Variants in PROSER2 observed in about 807,000 individuals in gnomAD.
The protein encoded by PROSER2 is proline and serine-rich protein 2.
Under a neutral mutation model 14.6 loss-of-function variants are expected in PROSER2, and 18 were observed. The observed-to-expected ratio is 1.23, with a 90% CI of 0.85 to 1.83. The LOEUF (loss-of-function observed/expected upper bound fraction) is 1.83, where lower values mean the gene tolerates loss of function less well. Among genes scored for constraint, PROSER2 ranks in the 40% most tolerant of loss-of-function variants. PROSER2 has a pLI of 0.00. For missense variants in PROSER2, 823 were observed against 629.8 expected (o/e 1.31, Z -3.28); for synonymous variants, 367 against 286.4 (o/e 1.28, Z -2.84).
Position 11,835,127 on chromosome 10 carries a change from A to C in PROSER2, c.-82+11657A>C, listed in dbSNP as rs1417225612. 6.6e-5 allele frequency among the ~76,000 whole-genome samples: 10 copies of C among 151,942 alleles called. No individual in the cohort carries two copies. The East Asian group carries it at 1.9e-3, about 29-fold the overall frequency. ...GTCTTAAAAAAAAAAAAAAAAAAGA[A>C]AAAGAAAAAGAAGTGTTAGTTATTG... is the stretch of plus-strand genomic sequence containing the variant. On this transcript the variant is annotated intron_variant, in intron 1 of 3. Transcript: ENST00000277570.
At chr10:11,834,203 C>T (rs762196004) in intron 1 of PROSER2, among the ~76,000 whole-genome samples, 34 of 150,884 alleles carry the variant, frequency 2.3e-4, no homozygotes, top group Non-Finnish European at 3.2e-4. Flanking sequence ...CCATGTTAGC[C>T]AGAATGATCT....
intron 1 of PROSER2, among the ~76,000 whole-genome samples, chr10:11,826,192 G>A (rs1219084140): frequency 2.6e-5 from 4 of 152,048 alleles, no homozygotes; most frequent in Non-Finnish European, 4.4e-5. Context: ...TCCGTGTCGC[G>A]GCGTGTATCG....
In PROSER2 at chr10:11,836,106, A is replaced by G. The variant is rs1464549951; in HGVS notation, c.-82+12636A>G. On this transcript the variant is annotated intron_variant, in intron 1 of 3. Transcript: ENST00000277570. The surrounding 1 kb of genome is among the most constrained non-coding windows in gnomAD (Gnocchi z 4.6). The stretch of plus-strand genomic sequence containing the variant: ...CAGTGCAGTGGCACGATCTTGGCTC[A>G]CTGCAACCTCGGCCTTCTGGGTTCA... 1.3e-5 allele frequency among the ~76,000 whole-genome samples: 2 copies of G among 152,150 alleles called. No homozygotes were observed. The highest frequency in any genetic ancestry group is 2.9e-5 in the Non-Finnish European group (2 of 68,018).
intron 1 of PROSER2, among the ~76,000 whole-genome samples, chr10:11,843,625 G>T (rs61846311): frequency 0.07 from 10,565 of 151,530 alleles, 420 homozygotes; most frequent in East Asian, 0.097. Context: ...GGCAGAGGTT[G>T]CAGTGAGCCG....
chr10:11,847,987 G>C lies in PROSER2; in HGVS notation c.-81-4010G>C, dbSNP rs557158724. Among the ~76,000 whole-genome samples, 19 of 152,314 alleles carry C rather than the reference G, an allele frequency of 1.2e-4. No homozygotes were observed. In the South Asian group the frequency reaches 2.9e-3, roughly 23 times the overall value. The stretch of plus-strand genomic sequence containing the variant: ...ATGTGCAGCATTCCAAAGATAAGGA[G>C]ATCATTTGGTAAGAGTGCGTGTCCC... On this transcript the variant is annotated intron_variant, in intron 1 of 3. Coordinates refer to ENST00000277570, the MANE Select transcript of PROSER2 (RefSeq NM_153256.4).
intron 2 of PROSER2, among the ~76,000 whole-genome samples, chr10:11,863,305 T>TA (rs1834279556): frequency 6.6e-6 from 1 of 152,150 alleles, no homozygotes; most frequent in Admixed American, 6.5e-5. Context: ...GGCATTTGAA[T>TA]ACCTCTCAGA....
intron 1 of PROSER2, among the ~76,000 whole-genome samples, chr10:11,828,450 C>T (rs2093917): frequency 0.26 from 39,341 of 152,020 alleles, 6,028 homozygotes; most frequent in East Asian, 0.38. Context: ...ACCTGTAATC[C>T]CAGCACTATG....
chr10:11,870,110 G>A lies in PROSER2; in HGVS notation c.1012G>A (p.Gly338Ser). 1.5e-6 allele frequency: 2 copies of A among 1,328,736 alleles called. No homozygotes were observed. Among genetic ancestry groups the A allele is most frequent in the Non-Finnish European group, 1.9e-6 (2 of 1,042,442 alleles). 82.3% of individuals were successfully genotyped at this position (1,328,736 alleles called of 1,614,324 possible). ...CCGGGCAGGGGGTCAGGCTCCGCGG[G>A]GCCCGGCGCTGGCCAACGGCTTCCC... ...SLRAGGQAPR[G>S]PALANGFPSA... Residue 338 changes from glycine to serine, a missense_variant, in exon 4 of 4, where the codon GGC becomes AGC. Transcript: ENST00000277570.
At chr10:11,824,297 G>T (rs963066404) in intron 1 of PROSER2, among the ~76,000 whole-genome samples, 1 of 152,160 alleles carries the variant, frequency 6.6e-6, no homozygotes, top group Non-Finnish European at 1.5e-5. Context: ...GTAGGAAGAA[G>T]GTTCTTTCTG....
chr10:11,827,919 C>A (rs974819552), intron 1 of PROSER2, among the ~76,000 whole-genome samples: 1 of 152,028 alleles, frequency 6.6e-6, no homozygotes, highest in East Asian at 1.9e-4. Context: ...TTCAAGCAGT[C>A]CCCCCACCTT....
chr10:11,852,922 A>T (rs185642251), intron 2 of PROSER2, among the ~76,000 whole-genome samples: 13 of 150,868 alleles, frequency 8.6e-5, no homozygotes, highest in Admixed American at 6.0e-4. Flanking sequence ...TCCTTCTCAG[A>T]ATCCAGACCT....
chr10:11,855,439 A>C (rs1834106552), intron 2 of PROSER2, among the ~76,000 whole-genome samples: 1 of 147,892 alleles, frequency 6.8e-6, no homozygotes, highest in Admixed American at 6.9e-5. Context: ...GCGCCACTGC[A>C]CTCCATCCTG....
Position 11,870,475 on chromosome 10 carries a change from C to G in PROSER2, c.*69C>G. The G allele has an allele frequency of 7.8e-7, 1 of 1,275,674 alleles. No homozygotes were observed. Among genetic ancestry groups the G allele is most frequent in the Non-Finnish European group, 1.0e-6 (1 of 969,216 alleles). The allele number at this position is 1,275,674 out of a possible 1,614,324, so 79.0% of individuals were successfully genotyped here. ...AGAGAGGGTGAAAGAGTCGCTGCAC[C>G]CAGGAGCTGTTTGGTCTAAAATGGA... On this transcript the variant is annotated 3_prime_UTR_variant, in exon 4 of 4. Coordinates refer to ENST00000277570, the MANE Select transcript of PROSER2 (RefSeq NM_153256.4).
chr10:11,843,110 T>C (rs900273154), intron 1 of PROSER2, among the ~76,000 whole-genome samples: 2 of 150,458 alleles, frequency 1.3e-5, no homozygotes, highest in African/African-American at 4.8e-5. Flanking sequence ...CCGGCTAATT[T>C]TTTGTATTTT....
intron 2 of PROSER2, among the ~76,000 whole-genome samples, chr10:11,859,124 T>TA (rs1215857660): frequency 6.6e-6 from 1 of 150,754 alleles, no homozygotes; most frequent in Admixed American, 6.6e-5. Flanking sequence ...ACTGGTACAT[T>TA]AAAAAACATC....
intron 2 of PROSER2, among the ~76,000 whole-genome samples, chr10:11,859,030 A>AAAAAAAAAAAC (rs1834184144): frequency 1.8e-5 from 1 of 56,400 alleles, no homozygotes; most frequent in South Asian, 6.4e-4. Context: ...AAAAAAAAAA[A>AAAAAAAAAAAC]AAGGAGAGAT....
rs527332003 is a variant in PROSER2, at chr10:11,852,148, G to C, written c.71G>C (p.Arg24Pro). Residue 24 changes from arginine (R) to proline (P), a missense_variant, in exon 2 of 4, where the codon CGA becomes CCA. Coordinates refer to ENST00000277570, the MANE Select transcript of PROSER2 (RefSeq NM_153256.4). Reference protein sequence around the residue: ...NSDTSPSCRLRAFSRGGSLES... With the variant: ...NSDTSPSCRLPAFSRGGSLES... ...GACACGTCCCCCAGCTGCAGGCTCC[G>C]AGCCTTCAGCAGAGGCGGCAGCCTG... is the stretch of plus-strand genomic sequence containing the variant. 3.2e-4 allele frequency: 510 copies of C among 1,613,436 alleles called. 5 individuals are homozygous for C. The South Asian group carries it at 5.3e-3, about 17-fold the overall frequency.
intron 1 of PROSER2, among the ~76,000 whole-genome samples, chr10:11,847,154 A>AATAAATATATATAT (rs1197050251): frequency 1.1e-3 from 96 of 88,206 alleles, no homozygotes; most frequent in African/African-American, 3.1e-3. Context: ...AACATAAATA[A>AATAAATATATATAT]ATATATATAT....
At chr10:11,828,301 GA>G (rs11297440) in intron 1 of PROSER2, among the ~76,000 whole-genome samples, 36,566 of 136,064 alleles carry the variant, frequency 0.27, 4,613 homozygotes, top group Non-Finnish European at 0.3. Flanking sequence ...CTCTCTGTGT[GA>G]AAAAAAAAAA....
Sources: gnomAD v4.1 joint callset for allele counts (sites outside exome capture counted in the v4.1 genomes callset) on GRCh38, gnomAD v4.1.1 for gene constraint, Gnocchi (gnomAD v3.1) non-coding constraint, MANE v1.5 for transcripts, NCBI Gene and HGNC (gene_info 2026-07-23, HGNC 2026-07-21) for gene names.